The following ZNF429 variants were observed in gnomAD, a reference collection of about 807,000 sequenced individuals.
ZNF429 encodes zinc finger protein 429.
ZNF429 carries 53 observed loss-of-function variants against 56.8 expected under a neutral mutation model. The ratio of observed to expected loss-of-function variants is 0.93; its 90% CI spans 0.75 to 1.17. ZNF429 has a LOEUF of 1.17. ZNF429 is among the 50% of genes most tolerant of loss of function. The pLI is 0.00. For missense variants in ZNF429, 849 were observed against 788.4 expected, an observed-to-expected ratio of 1.08 and a Z score of -0.92; for synonymous variants, 278 against 264.7, an observed-to-expected ratio of 1.05 and a Z score of -0.49.
At chr19:21,515,659 A>G (rs765088554) in intron 1 of ZNF429, among the ~76,000 whole-genome samples, 1 of 151,952 alleles carries the variant, frequency 6.6e-6, no homozygotes, top group Non-Finnish European at 1.5e-5. Context: ...TGCTTTTGGT[A>G]TCTTCATCAT....
intron 1 of ZNF429, among the ~76,000 whole-genome samples, chr19:21,520,184 C>A (rs571885131): frequency 6.6e-6 from 1 of 152,080 alleles, no homozygotes; most frequent in Non-Finnish European, 1.5e-5. Context: ...TTTTAGAACA[C>A]CTTTTTCTCT....
At position 21,537,783 on chromosome 19, in the gene ZNF429, C is replaced by A; in HGVS notation, c.1730C>A (p.Ser577Tyr). The change falls in exon 4 of 4, where the codon TCC becomes TAC. Residue 577 changes from serine (S) to tyrosine (Y), a missense_variant. Coordinates refer to ENST00000358491, the MANE Select transcript of ZNF429 (RefSeq NM_001001415.4). Reference sequence around the variant, plus strand: ...CAATGTGACAAAGCTTTTACCCACTCCTCAAACCTTAGTAGTCATAAGAAA... The same window carrying A: ...CAATGTGACAAAGCTTTTACCCACTACTCAAACCTTAGTAGTCATAAGAAA... ...CKQCDKAFTH[S>Y]SNLSSHKKIH... 6.2e-7 allele frequency: 1 copy of A among 1,613,294 alleles called. No individual in the cohort carries two copies. Among genetic ancestry groups the A allele is most frequent in the Non-Finnish European group, 8.5e-7 (1 of 1,179,952 alleles).
chr19:21,538,133 G>T lies in ZNF429; in HGVS notation c.*55G>T, dbSNP rs1475018637. 3 of 696,796 alleles carry T rather than the reference G, an allele frequency of 4.3e-6. No homozygotes were observed. The Admixed American group carries it at 9.8e-5, about 23-fold the overall frequency. 43.2% of individuals were successfully genotyped at this position (696,796 alleles called of 1,614,324 possible). ...ACAAAAAAAAAAAAAAAAAAAATTA[G>T]CCAGGCGTGGTGGTGGGCACTTGTA... On this transcript the variant is annotated 3_prime_UTR_variant, in exon 4 of 4. Transcript: ENST00000358491.
intron 1 of ZNF429, among the ~76,000 whole-genome samples, chr19:21,510,502 A>G (rs2032399472): frequency 6.6e-6 from 1 of 152,128 alleles, no homozygotes; most frequent in Non-Finnish European, 1.5e-5. Flanking sequence ...AAAATAGAGG[A>G]ATAAAACAAT....
At chr19:21,520,444 T>C (rs1357682121) in intron 1 of ZNF429, among the ~76,000 whole-genome samples, 1 of 152,276 alleles carries the variant, frequency 6.6e-6, no homozygotes, top group African/African-American at 2.4e-5. Flanking sequence ...TATTTTTCTC[T>C]GATTTTTGGA....
chr19:21,537,239 C>G lies in ZNF429; in HGVS notation c.1186C>G (p.Pro396Ala). The change falls in exon 4 of 4, where the codon CCC becomes GCC. Residue 396 changes from proline to alanine, a missense_variant. By Grantham distance (27) the Pro-to-Ala change is conservative. Coordinates refer to ENST00000358491, the MANE Select transcript of ZNF429 (RefSeq NM_001001415.4). ...TAAAAAAATTCATACTGGAGAGGAA[C>G]CCTACAAATTTGAAAAATGTGGCAG... ...RHKKIHTGEE[P>A]YKFEKCGRVF... The G allele has an allele frequency of 6.2e-7, 1 of 1,613,716 alleles. No individual in the cohort carries two copies. The highest frequency in any genetic ancestry group is 1.1e-5 in the South Asian group (1 of 91,070).
chr19:21,535,389 CT>C, intron 3 of ZNF429, among the ~76,000 whole-genome samples: 2 of 33,370 alleles, frequency 6.0e-5, no homozygotes, highest in African/African-American at 4.5e-4. Flanking sequence ...TTTTTACTTT[CT>C]TTCTTTCTTT....
chr19:21,505,826 C>G (rs766993645), intron 1 of ZNF429, 52 bp downstream of exon 1: 1 of 1,598,484 alleles, frequency 6.3e-7, no homozygotes, highest in Non-Finnish European at 8.5e-7. Context: ...CTGGTCGGAA[C>G]CGTGAGAAGT....
chr19:21,529,648 T>C lies in ZNF429; in HGVS notation c.4-10T>C. On this transcript the variant is annotated splice_polypyrimidine_tract_variant and intron_variant, in intron 1 of 3. Transcript: ENST00000358491. ...TTCTCTCTCCTTCTGTTGGTGTGTGTGTGTTTCAGGGACCATTGACATTTA... is the reference window on the plus strand; with the variant it reads ...TTCTCTCTCCTTCTGTTGGTGTGTGCGTGTTTCAGGGACCATTGACATTTA... 6.5e-7 allele frequency: 1 copy of C among 1,548,964 alleles called. No homozygotes were observed. Among genetic ancestry groups the C allele is most frequent in the South Asian group, 1.2e-5 (1 of 82,834 alleles).
chr19:21,529,713 G>A lies in ZNF429; in HGVS notation c.59G>A (p.Cys20Tyr), dbSNP rs894061970. ...GAATTCTCTCTGGAGGAGTGGCAGT[G>A]CCTGGACACAGCACAACAGAACTTA... ...AIEFSLEEWQ[C>Y]LDTAQQNLYR... The change falls in exon 2 of 4, where the codon TGC becomes TAC. Residue 20 changes from cysteine to tyrosine, a missense_variant. By Grantham distance (194) the Cys-to-Tyr change is radical. Transcript: ENST00000358491. The A allele has an allele frequency of 1.9e-6, 3 of 1,602,732 alleles. No individual in the cohort carries two copies. The highest frequency in any genetic ancestry group is 2.3e-5 in the East Asian group (1 of 44,396).
Position 21,534,519 on chromosome 19 carries a change from C to G in ZNF429, c.227-1761C>G. ...GTCTCCTGACTACAGACATGCACTA[C>G]CATGTCTGGCTAGTGCAGTTTTTAA... On this transcript the variant is annotated intron_variant, in intron 3 of 3. Transcript: ENST00000358491. Among the ~76,000 whole-genome samples, 32 of 100,744 alleles carry G rather than the reference C, an allele frequency of 3.2e-4. 5 individuals carry two copies. Among genetic ancestry groups the G allele is most frequent in the Admixed American group, 5.8e-4 (6 of 10,384 alleles). 66.1% of individuals were successfully genotyped at this position (100,744 alleles called of 152,430 possible).
rs533957276 is a variant in ZNF429 at position 21,537,577 on chromosome 19, C to G, written c.1524C>G (p.Pro508=). The G allele has an allele frequency of 2.5e-6, 4 of 1,613,438 alleles. No individual in the cohort carries two copies. The Admixed American group carries it at 5.0e-5, about 20-fold the overall frequency. The stretch of plus-strand genomic sequence containing the variant: ...AAAAAATTCATAGTGGAGAGAAACC[C>G]TACAAATGTGAAGAATGTGGCAAAG... ...SHKKIHSGEK[P]YKCEECGKAF... Residue 508 remains proline (P), a synonymous_variant, in exon 4 of 4, where the codon CCC becomes CCG. Coordinates refer to ENST00000358491, the MANE Select transcript of ZNF429 (RefSeq NM_001001415.4).
chr19:21,516,383 AGCCG>A (rs1381968643), intron 1 of ZNF429, among the ~76,000 whole-genome samples: 2 of 152,020 alleles, frequency 1.3e-5, no homozygotes, highest in African/African-American at 4.8e-5. Flanking sequence ...CACCATGCCC[AGCCG>A]CTTTGTTCTT....
chr19:21,533,741 T>C, intron 3 of ZNF429, among the ~76,000 whole-genome samples: 1 of 151,900 alleles, frequency 6.6e-6, no homozygotes, highest in Non-Finnish European at 1.5e-5. Flanking sequence ...CTGCAACCTG[T>C]TTCCCGGGTT....
Position 21,533,746 on chromosome 19 carries a change from C to T in ZNF429, c.227-2534C>T. 2.2e-4 allele frequency among the ~76,000 whole-genome samples: 34 copies of T among 151,976 alleles called. 1 individual carries two copies. The highest frequency in any genetic ancestry group is 1.6e-3 in the Admixed American group (24 of 15,274). On this transcript the variant is annotated intron_variant, in intron 3 of 3. Coordinates refer to ENST00000358491, the MANE Select transcript of ZNF429 (RefSeq NM_001001415.4). ...TCTCAGCTCACTGCAACCTGTTTCC[C>T]GGGTTCAAGCAATTCTTCTGCCTCA...
chr19:21,535,209 G>A, intron 3 of ZNF429, among the ~76,000 whole-genome samples: 1,485 of 144,680 alleles, frequency 0.01, 25 homozygotes, highest in African/African-American at 0.035. Flanking sequence ...CCTGTCTGTG[G>A]TACTGCAGTC....
chr19:21,519,999 G>T (rs2032931093), intron 1 of ZNF429, among the ~76,000 whole-genome samples: 1 of 151,970 alleles, frequency 6.6e-6, no homozygotes. Context: ...GGGATTACAG[G>T]CACCTGCCAC....
At position 21,538,105 on chromosome 19, in the gene ZNF429, AATAC is replaced by A; in HGVS notation, c.*29_*32del. 5 of 833,802 alleles carry A rather than the reference AATAC, an allele frequency of 6.0e-6. No homozygotes were observed. Among genetic ancestry groups the A allele is most frequent in the Admixed American group, 7.2e-5 (2 of 27,658 alleles). The allele number at this position is 833,802 out of a possible 1,614,324, so 51.7% of individuals were successfully genotyped here. The stretch of plus-strand genomic sequence containing the variant: ...ATGGTGAAACCCCGTCTCTACTAAA[AATAC>A]AAAAAAAAAAAAAAAAAAAATTAGC... On this transcript the variant is annotated 3_prime_UTR_variant, in exon 4 of 4. Transcript: ENST00000358491.
intron 1 of ZNF429, among the ~76,000 whole-genome samples, chr19:21,528,561 C>T (rs778291842): frequency 8.6e-5 from 13 of 151,934 alleles, no homozygotes; most frequent in Middle Eastern, 3.4e-3. Context: ...AAAAATTAGC[C>T]GGGCGTGGTG....
Sources: gnomAD v4.1 joint callset for allele counts (sites outside exome capture counted in the v4.1 genomes callset) on GRCh38, gnomAD v4.1.1 for gene constraint, MANE v1.5 for transcripts, NCBI Gene and HGNC (gene_info 2026-07-23, HGNC 2026-07-21) for gene names.